The following GRB7 variants were observed in gnomAD, a reference collection of about 807,000 sequenced individuals.
The protein encoded by GRB7 is growth factor receptor-bound protein 7.
A neutral mutation model predicts 64.1 loss-of-function variants in GRB7; 47 were observed. The ratio of observed to expected loss-of-function variants is 0.73; its 90% CI spans 0.58 to 0.94. The LOEUF is 0.94. Among genes scored for constraint, GRB7 ranks in the 40% least tolerant of loss-of-function variants. GRB7 has a pLI of 0.00. For synonymous variants in GRB7, 277 were observed against 279.9 expected (o/e 0.99, Z 0.10); for missense variants, 634 against 718.4 (o/e 0.88, Z 1.34).
intron 1 of GRB7, among the ~76,000 whole-genome samples, chr17:39,740,772 G>A (rs2059988359): frequency 6.6e-6 from 1 of 152,196 alleles, no homozygotes; most frequent in East Asian, 1.9e-4. Context: ...CCAGGAAGTT[G>A]TGTGGATGAG....
intron 1 of GRB7, among the ~76,000 whole-genome samples, chr17:39,740,866 G>T (rs887206269): frequency 2.6e-5 from 4 of 152,114 alleles, no homozygotes; most frequent in Middle Eastern, 3.2e-3. Context: ...TGCCCTCACT[G>T]AAGGGTCAGG....
intron 8 of GRB7, 83 bp downstream of exon 8, chr17:39,744,746 C>T (rs2060028737): frequency 1.5e-6 from 2 of 1,370,532 alleles, no homozygotes; most frequent in Non-Finnish European, 2.0e-6. Flanking sequence ...GGCTTCTGAG[C>T]CCCAATTCAG....
At position 39,744,839 on chromosome 17, in the gene GRB7, T is replaced by C. The variant is rs2060029458; in HGVS notation, c.913-47T>C. 3 of 1,502,190 alleles carry C rather than the reference T, an allele frequency of 2.0e-6. No individual in the cohort carries two copies. The African/African-American group carries it at 4.1e-5, about 21-fold the overall frequency. 93.1% of individuals were successfully genotyped at this position (1,502,190 alleles called of 1,614,324 possible). ...GCTATGTGGAGCAGGGGCAGACATG[T>C]GGTCCTAAAGGCAGATATGGGACCA... On this transcript the variant is annotated intron_variant, in intron 8 of 14. Coordinates refer to ENST00000309156, the MANE Select transcript of GRB7 (RefSeq NM_005310.5).
At chr17:39,742,801 G>T (rs1477131378) in intron 3 of GRB7, 85 bp downstream of exon 3, 4 of 1,522,578 alleles carry the variant, frequency 2.6e-6, no homozygotes, top group Non-Finnish European at 2.6e-6. Flanking sequence ...GGAGGCAGGG[G>T]ATCTTGGTTA....
intron 1 of GRB7, chr17:39,739,007 G>C: frequency 7.7e-7 from 1 of 1,301,664 alleles, no homozygotes; most frequent in Non-Finnish European, 1.1e-6. Context: ...AGTGCGGTGG[G>C]GCCTGGGGAG....
chr17:39,745,441 C>A lies in GRB7; in HGVS notation c.1112C>A (p.Thr371Asn), dbSNP rs893280909. The change falls in exon 11 of 15, where the codon ACC becomes AAC. Residue 371 changes from threonine to asparagine, a missense_variant. Thr to Asn is a moderately conservative substitution (Grantham distance 65, BLOSUM62 0). Around this residue, in one of 2 missense-constraint regions of GRB7, gnomAD observed 467 missense variants for 576.6 expected, o/e 0.81. Coordinates refer to ENST00000309156, the MANE Select transcript of GRB7 (RefSeq NM_005310.5). ...SPPLRSASDNTLVAMDFSGHA... is the reference protein window; with the variant it reads ...SPPLRSASDNNLVAMDFSGHA... The stretch of plus-strand genomic sequence containing the variant: ...CTCCAGAGAAGTGCCTCAGATAATA[C>A]CCTGGTGGCCATGGACTTCTCTGGC... 4 of 1,613,958 alleles carry A rather than the reference C, an allele frequency of 2.5e-6. No homozygotes were observed. The highest frequency in any genetic ancestry group is 1.1e-5 in the South Asian group (1 of 91,080).
At chr17:39,739,020 T>G (rs2059973647) in intron 1 of GRB7, 13 of 907,502 alleles carry the variant, frequency 1.4e-5, no homozygotes, top group African/African-American at 3.4e-5. Context: ...CTGGGGAGAG[T>G]GGGGTGGGGG....
intron 14 of GRB7, 131 bp from the exon 15 acceptor site, chr17:39,746,616 CAAAA>C (rs375400306): frequency 2.2e-5 from 22 of 984,770 alleles, no homozygotes; most frequent in Non-Finnish European, 2.9e-5. Flanking sequence ...AAAACTGTCT[CAAAA>C]AAAAAAAAAG....
chr17:39,739,570 G>A (rs905601341), intron 1 of GRB7, among the ~76,000 whole-genome samples: 2 of 152,248 alleles, frequency 1.3e-5, no homozygotes, highest in African/African-American at 4.8e-5. Context: ...CCTCAGTCCC[G>A]CAAGCCCTTC....
At chr17:39,745,624 C>T (rs548482163) in intron 11 of GRB7, 86 bp downstream of exon 11, 49 of 1,543,660 alleles carry the variant, frequency 3.2e-5, no homozygotes, top group South Asian at 1.5e-4. Context: ...GAAGAGAGGG[C>T]GGGGGGAGGC....
At chr17:39,742,849 G>A (rs748727564) in intron 3 of GRB7, 49 bp from the exon 4 acceptor site, 8 of 1,543,674 alleles carry the variant, frequency 5.2e-6, no homozygotes, top group Non-Finnish European at 5.3e-6. Flanking sequence ...GAAAGGGAAT[G>A]AATCACCCTT....
intron 8 of GRB7, 37 bp downstream of exon 8, chr17:39,744,700 A>G (rs1223104921): frequency 1.3e-6 from 2 of 1,537,336 alleles, no homozygotes; most frequent in Non-Finnish European, 1.8e-6. Context: ...TGGCCTGGGG[A>G]AGCAGGAACT....
At chr17:39,738,631 A>C (rs981965764) in intron 1 of GRB7, 1 of 359,004 alleles carries the variant, frequency 2.8e-6, no homozygotes, top group Non-Finnish European at 5.1e-6. Context: ...ATGGGAAGGA[A>C]GACCTGATTC....
At position 39,742,689 on chromosome 17, in the gene GRB7, G is replaced by A. The variant is rs2060006382; in HGVS notation, c.279G>A (p.Leu93=). 6.3e-7 allele frequency: 1 copy of A among 1,577,212 alleles called. No homozygotes were observed. Among genetic ancestry groups the A allele is most frequent in the African/African-American group, 1.4e-5 (1 of 73,330 alleles). The change falls in exon 3 of 15, where the codon CTG becomes CTA. Residue 93 remains leucine (L), a synonymous_variant. Transcript: ENST00000309156. ...GGGGCCCCTCCAGTGCAAGGGGGCT[G>A]CTCCCCCGCGATGCCAGCCGCCCCC... The part of the protein sequence containing the change: ...ILGGPSSARG[L]LPRDASRPHV...
At position 39,744,595 on chromosome 17, in the gene GRB7, A is replaced by C; in HGVS notation, c.844A>C (p.Asn282His). ...LQYVADVNESNVYVVTQGRKL... is the reference protein window; with the variant it reads ...LQYVADVNESHVYVVTQGRKL... ...GTACGTGGCAGATGTGAACGAGTCC[A>C]ACGTGTACGTGGTGACGCAGGGCCG... is the stretch of plus-strand genomic sequence containing the variant. Residue 282 changes from asparagine (N) to histidine (H), a missense_variant, in exon 8 of 15, where the codon AAC becomes CAC. Asn to His is a moderately conservative substitution (Grantham distance 68, BLOSUM62 1). This residue lies in a region of GRB7 where 467 missense variants were observed against 576.6 expected (regional missense o/e 0.81). Coordinates refer to ENST00000309156, the MANE Select transcript of GRB7 (RefSeq NM_005310.5). 1 of 1,612,280 alleles carries C rather than the reference A, an allele frequency of 6.2e-7. No individual in the cohort carries two copies. Among genetic ancestry groups the C allele is most frequent in the Non-Finnish European group, 8.5e-7 (1 of 1,179,188 alleles).
At chr17:39,738,761 C>T in intron 1 of GRB7, 1 of 712,152 alleles carries the variant, frequency 1.4e-6, no homozygotes, top group Non-Finnish European at 2.2e-6. Context: ...GTCTCTAAGA[C>T]AGACGTCTCT....
At position 39,743,299 on chromosome 17, in the gene GRB7, C is replaced by G. The variant is rs762812710; in HGVS notation, c.583C>G (p.Pro195Ala). The G allele has an allele frequency of 6.2e-7, 1 of 1,614,204 alleles. No homozygotes were observed. The highest frequency in any genetic ancestry group is 1.1e-5 in the South Asian group (1 of 91,090). ...FAKYELFKSS[P>A]HSLFPEKMVS... ...CAAGTACGAACTGTTCAAGAGCTCC[C>G]CAGTGAGTGCATGAGGGCTGTCTGG... The change falls in exon 5 of 15, where the codon CCA (proline) becomes GCA (alanine). Residue 195 changes from proline to alanine, a missense_variant and splice_region_variant. Transcript: ENST00000309156.
chr17:39,738,864 A>G, intron 1 of GRB7: 3 of 1,532,526 alleles, frequency 2.0e-6, no homozygotes, highest in Non-Finnish European at 2.6e-6. Flanking sequence ...TCATCTCTCC[A>G]GATTGTATGC....
chr17:39,742,479 G>A, intron 2 of GRB7, 23 bp downstream of exon 2: 1 of 1,613,270 alleles, frequency 6.2e-7, no homozygotes, highest in Non-Finnish European at 8.5e-7. Flanking sequence ...GTGGGGCTTG[G>A]GGGAGGTCAG....
Sources: allele counts gnomAD v4.1 joint callset (sites outside exome capture counted in the v4.1 genomes callset), GRCh38; gene constraint gnomAD v4.1.1; regional missense constraint gnomAD v4.1.1; transcripts MANE v1.5; gene names NCBI Gene and HGNC (gene_info 2026-07-23, HGNC 2026-07-21).